Variants in MECOM observed in about 807,000 individuals in gnomAD.
MECOM encodes histone-lysine N-methyltransferase MECOM.
Under a neutral mutation model 116.3 loss-of-function variants are expected in MECOM, and 13 were observed. That is an observed-to-expected ratio of 0.11 (90% confidence interval 0.07 to 0.18). The LOEUF (loss-of-function observed/expected upper bound fraction) is 0.18. MECOM is among the 10% of genes least tolerant of loss of function. MECOM has a pLI of 1.00. For synonymous variants in MECOM, 528 were observed against 535.2 expected (o/e 0.99, Z 0.19); for missense variants, 1,299 against 1,509.0 (o/e 0.86, Z 2.31).
chr3:169,403,929 T>C (rs957246043), intron 1 of MECOM, among the ~76,000 whole-genome samples: 5 of 152,178 alleles, frequency 3.3e-5, no homozygotes, highest in African/African-American at 4.8e-5. Flanking sequence ...TTAGTGTACA[T>C]GCACTTAGTT....
chr3:169,152,708 G>A lies in MECOM; in HGVS notation c.376-8876C>T, dbSNP rs182451798. ...CCCCGTTATTGTCCCTACAGCATGG[G>A]ATCCTTCATAAATAGACATGGTGAT... is the stretch of plus-strand genomic sequence containing the variant. On this transcript the variant is annotated intron_variant, in intron 2 of 16. Coordinates refer to ENST00000651503, the MANE Select transcript of MECOM (RefSeq NM_004991.4). Among the ~76,000 whole-genome samples, 15 of 152,236 alleles carry A rather than the reference G, an allele frequency of 9.9e-5. 1 individual carries two copies. Among genetic ancestry groups the A allele is most frequent in the Admixed American group, 9.2e-4 (14 of 15,266 alleles).
intron 2 of MECOM, among the ~76,000 whole-genome samples, chr3:169,212,633 AATGT>A (rs1478920245): frequency 0.02 from 1,739 of 85,390 alleles, 451 homozygotes; most frequent in Middle Eastern, 0.053. Context: ...TCTAGTCAGC[AATGT>A]ATATATATAT....
chr3:169,440,089 C>T (rs376166985), intron 1 of MECOM, among the ~76,000 whole-genome samples: 1 of 152,082 alleles, frequency 6.6e-6, no homozygotes, highest in East Asian at 1.9e-4. Flanking sequence ...GGAAAATGCA[C>T]ATAGAGAGAT....
chr3:169,416,131 C>T (rs1270689127), intron 1 of MECOM, among the ~76,000 whole-genome samples: 1 of 152,134 alleles, frequency 6.6e-6, no homozygotes, highest in Non-Finnish European at 1.5e-5. Flanking sequence ...GGAAGTAAAA[C>T]ACTCCTCAGC....
At chr3:169,221,245 T>C (rs989107423) in intron 2 of MECOM, among the ~76,000 whole-genome samples, 1 of 152,198 alleles carries the variant, frequency 6.6e-6, no homozygotes, top group Non-Finnish European at 1.5e-5. Context: ...TAACTAATAG[T>C]ATCATCATCA....
rs763450489 is a variant in MECOM, at chr3:169,102,073, G to A, written c.2758C>T (p.Arg920Cys). 25 of 1,612,412 alleles carry A rather than the reference G, an allele frequency of 1.6e-5. No homozygotes were observed. The highest frequency in any genetic ancestry group is 2.2e-5 in the East Asian group (1 of 44,874). Residue 920 changes from arginine to cysteine, a missense_variant, in exon 11 of 17, where the codon CGC becomes TGC. Transcript: ENST00000651503. ...PENLLRKGKERYTCRYCGKIF... is the reference protein window; with the variant it reads ...PENLLRKGKECYTCRYCGKIF... ...CTGTGCAGTTACCTGCAGGTATAGCGCTCCTTTCCCTTCCGCAGAAGGTTC... is the reference window on the plus strand; with the variant it reads ...CTGTGCAGTTACCTGCAGGTATAGCACTCCTTTCCCTTCCGCAGAAGGTTC...
At chr3:169,377,996 A>C (rs1216009033) in intron 2 of MECOM, among the ~76,000 whole-genome samples, 2 of 152,140 alleles carry the variant, frequency 1.3e-5, no homozygotes, top group Non-Finnish European at 2.9e-5. Flanking sequence ...GCAGCCATAA[A>C]AAAGAATGAG....
At chr3:169,133,769 G>C (rs2149223909) in intron 3 of MECOM, 1 of 407,562 alleles carries the variant, frequency 2.5e-6, no homozygotes, top group Non-Finnish European at 4.4e-6. Context: ...AAGATTACCA[G>C]ATTTAAAATA....
intron 1 of MECOM, among the ~76,000 whole-genome samples, chr3:169,474,173 G>T (rs537558675): frequency 6.6e-6 from 1 of 152,280 alleles, no homozygotes; most frequent in South Asian, 2.1e-4. Context: ...GGAAGGATCT[G>T]CATCAATAAT....
intron 2 of MECOM, among the ~76,000 whole-genome samples, chr3:169,211,247 T>C (rs975857537): frequency 6.6e-6 from 1 of 152,162 alleles, no homozygotes; most frequent in African/African-American, 2.4e-5. Flanking sequence ...TTGAGATTTT[T>C]CTACTCTCAT....
At chr3:169,247,236 G>A (rs577065072) in intron 2 of MECOM, among the ~76,000 whole-genome samples, 5 of 151,212 alleles carry the variant, frequency 3.3e-5, no homozygotes, top group African/African-American at 1.2e-4. Context: ...ATAAACCTAT[G>A]AAAAATATAG....
chr3:169,349,365 C>G (rs901253802), intron 2 of MECOM, among the ~76,000 whole-genome samples: 1 of 151,858 alleles, frequency 6.6e-6, no homozygotes, highest in South Asian at 2.1e-4. Flanking sequence ...TAGTCGGTGA[C>G]AGCAGCCCCT....
intron 1 of MECOM, among the ~76,000 whole-genome samples, chr3:169,386,254 C>G (rs1421487833): frequency 6.6e-6 from 1 of 152,120 alleles, no homozygotes. Flanking sequence ...ATAGTAACTT[C>G]CATAGATGTA....
chr3:169,565,834 A>T (rs1434377226), intron 1 of MECOM: 2 of 362,558 alleles, frequency 5.5e-6, no homozygotes, highest in Admixed American at 3.5e-5. Flanking sequence ...GGGGCATATG[A>T]GGGAGTCAGG....
intron 1 of MECOM, among the ~76,000 whole-genome samples, chr3:169,404,586 G>A (rs1736379000): frequency 6.6e-6 from 1 of 152,174 alleles, no homozygotes; most frequent in Non-Finnish European, 1.5e-5. Context: ...GCTGGAGGGG[G>A]AAGCCCCCCA....
At chr3:169,098,135 T>G (rs773889031) in intron 12 of MECOM, among the ~76,000 whole-genome samples, 12 of 152,164 alleles carry the variant, frequency 7.9e-5, no homozygotes, top group Non-Finnish European at 1.6e-4. Context: ...AATGTTAACA[T>G]CTTACCTAAC....
chr3:169,142,896 T>C (rs1311961901), intron 3 of MECOM, among the ~76,000 whole-genome samples: 1 of 151,960 alleles, frequency 6.6e-6, no homozygotes, highest in Non-Finnish European at 1.5e-5. Context: ...TAGGAAACCA[T>C]TGGGTTAAGA....
chr3:169,553,083 A>C (rs1761598766), intron 1 of MECOM, among the ~76,000 whole-genome samples: 1 of 152,148 alleles, frequency 6.6e-6, no homozygotes, highest in Non-Finnish European at 1.5e-5. Context: ...GACAAAAAAA[A>C]AAAGAAAATT....
intron 1 of MECOM, among the ~76,000 whole-genome samples, chr3:169,564,521 A>T (rs1306655725): frequency 6.6e-6 from 1 of 152,234 alleles, no homozygotes; most frequent in Non-Finnish European, 1.5e-5. Context: ...AAATTTTATC[A>T]TATATTTAAA....
Sources: allele counts gnomAD v4.1 joint callset (sites outside exome capture counted in the v4.1 genomes callset), GRCh38; gene constraint gnomAD v4.1.1; transcripts MANE v1.5; gene names NCBI Gene and HGNC (gene_info 2026-07-23, HGNC 2026-07-21).